Variants in GRIA3 observed in about 807,000 individuals in gnomAD.
The protein encoded by GRIA3 is glutamate receptor 3.
GRIA3 carries 3 observed loss-of-function variants against 63.0 expected under a neutral mutation model. That is an observed-to-expected ratio of 0.05 (90% CI 0.02 to 0.12). The LOEUF (loss-of-function observed/expected upper bound fraction) is 0.12, where lower values mean the gene tolerates loss of function less well. Ranked by LOEUF, GRIA3 falls within the 10% of genes least tolerant of loss-of-function variation. The pLI is 1.00. For synonymous variants in GRIA3, 274 were observed against 257.9 expected, an observed-to-expected ratio of 1.06 and a Z score of -0.60; for missense variants, 347 against 700.9, an observed-to-expected ratio of 0.50 and a Z score of 5.70.
At chrX:123,415,836 C>A (rs1162830249) in intron 10 of GRIA3, among the ~76,000 whole-genome samples, 1 of 111,939 alleles carries the variant, frequency 8.9e-6, no homozygotes, top group African/African-American at 3.2e-5. Context: ...TCATTCCTAG[C>A]ACCTAGAATA....
At chrX:123,304,682 C>G (rs2044744521) in intron 3 of GRIA3, among the ~76,000 whole-genome samples, 1 of 111,387 alleles carries the variant, frequency 9.0e-6, no homozygotes, top group African/African-American at 3.3e-5. Flanking sequence ...AGGACAACTC[C>G]CATGTAAGAA....
chrX:123,282,551 G>A (rs961894479), intron 3 of GRIA3, among the ~76,000 whole-genome samples: 1 of 112,502 alleles, frequency 8.9e-6, no homozygotes, highest in Non-Finnish European at 1.9e-5. Flanking sequence ...CAAAGGCAGC[G>A]TTTCTCATAC....
intron 5 of GRIA3, among the ~76,000 whole-genome samples, chrX:123,362,741 A>T (rs2045184895): frequency 9.1e-6 from 1 of 110,362 alleles, no homozygotes; most frequent in Admixed American, 9.6e-5. Context: ...AGAGAGAGAG[A>T]GAGAGATCAG....
intron 5 of GRIA3, among the ~76,000 whole-genome samples, chrX:123,383,019 A>C (rs2045333471): frequency 8.9e-6 from 1 of 112,008 alleles, no homozygotes; most frequent in South Asian, 3.8e-4. Flanking sequence ...ATACAGGCCA[A>C]GCACAAGAGA....
At chrX:123,270,509 C>A (rs942002039) in intron 3 of GRIA3, among the ~76,000 whole-genome samples, 1 of 112,420 alleles carries the variant, frequency 8.9e-6, no homozygotes, top group African/African-American at 3.2e-5. Flanking sequence ...CTGTCCCCGC[C>A]AAGTGGATGC....
intron 3 of GRIA3, among the ~76,000 whole-genome samples, chrX:123,292,142 A>C (rs1267020681): frequency 1.8e-5 from 2 of 111,851 alleles, no homozygotes; most frequent in African/African-American, 6.5e-5. Flanking sequence ...TTTGGGGCAG[A>C]GATTCAAACA....
At chrX:123,410,410 G>A (rs962660347) in intron 10 of GRIA3, among the ~76,000 whole-genome samples, 4 of 111,919 alleles carry the variant, frequency 3.6e-5, no homozygotes, top group African/African-American at 9.7e-5. Flanking sequence ...AGAGCCTGGG[G>A]GTAGTAATGG....
chrX:123,369,729 C>T (rs1248185290), intron 5 of GRIA3, among the ~76,000 whole-genome samples: 1 of 112,315 alleles, frequency 8.9e-6, no homozygotes, highest in African/African-American at 3.2e-5. Context: ...TTTCTTTGAT[C>T]TGTTTACCTA....
At chrX:123,440,697 T>C (rs1266984330) in intron 12 of GRIA3, among the ~76,000 whole-genome samples, 1 of 112,904 alleles carries the variant, frequency 8.9e-6, no homozygotes, top group Non-Finnish European at 1.9e-5. Flanking sequence ...GTTAATACCT[T>C]TGCCAGATGA....
chrX:123,488,549 C>T (rs1273852383), intron 15 of GRIA3, among the ~76,000 whole-genome samples, 164 bp from the exon 16 acceptor site: 1 of 112,104 alleles, frequency 8.9e-6, no homozygotes, highest in Non-Finnish European at 1.9e-5. Flanking sequence ...GAGAATGTAA[C>T]CAGACCTGTC....
intron 15 of GRIA3, among the ~76,000 whole-genome samples, chrX:123,483,489 G>A (rs968490430): frequency 2.7e-5 from 3 of 111,898 alleles, no homozygotes; most frequent in Non-Finnish European, 5.6e-5. Flanking sequence ...CATTCTTCAC[G>A]CTAATCTTGC....
At chrX:123,368,121 A>C (rs1397812796) in intron 5 of GRIA3, among the ~76,000 whole-genome samples, 1 of 111,626 alleles carries the variant, frequency 9.0e-6, no homozygotes, top group Non-Finnish European at 1.9e-5. Context: ...GAGAAGTCTG[A>C]GTGACAGTAA....
intron 3 of GRIA3, among the ~76,000 whole-genome samples, chrX:123,266,237 G>C (rs1266388483): frequency 8.9e-6 from 1 of 112,029 alleles, no homozygotes; most frequent in Non-Finnish European, 1.9e-5. Context: ...GGGCTTTCCA[G>C]AGGCCCCAAC....
intron 12 of GRIA3, among the ~76,000 whole-genome samples, chrX:123,446,031 A>G (rs1384279798): frequency 8.9e-6 from 1 of 111,836 alleles, no homozygotes; most frequent in East Asian, 2.8e-4. Context: ...GCCTATGTTG[A>G]GCCAATCTAT....
chrX:123,279,303 T>C (rs767811871), intron 3 of GRIA3, among the ~76,000 whole-genome samples: 1 of 111,346 alleles, frequency 9.0e-6, no homozygotes, highest in Admixed American at 9.6e-5. Flanking sequence ...AGAAATCTAT[T>C]GTGCAGCAAG....
intron 2 of GRIA3, among the ~76,000 whole-genome samples, chrX:123,245,768 T>G (rs902418298): frequency 1.1e-4 from 12 of 111,775 alleles, no homozygotes; most frequent in African/African-American, 3.9e-4. Context: ...GAACAGAAAC[T>G]AGGTTCCAGA....
intron 5 of GRIA3, among the ~76,000 whole-genome samples, chrX:123,389,806 C>T (rs780309196): frequency 6.3e-4 from 70 of 110,849 alleles, no homozygotes; most frequent in African/African-American, 2.1e-3. Context: ...CTCCTGGGTT[C>T]GCCATTCTCC....
intron 10 of GRIA3, among the ~76,000 whole-genome samples, chrX:123,409,724 C>T (rs1273760309): frequency 9.0e-6 from 1 of 111,705 alleles, no homozygotes; most frequent in Non-Finnish European, 1.9e-5. Context: ...TTAATCCTAC[C>T]TTACCATTCA....
At chrX:123,378,722 C>A (rs2045302940) in intron 5 of GRIA3, among the ~76,000 whole-genome samples, 1 of 110,924 alleles carries the variant, frequency 9.0e-6, no homozygotes, top group African/African-American at 3.3e-5. Flanking sequence ...AACTTGAGGA[C>A]CTTTTGTGGC....
Sources: gnomAD v4.1 joint callset for allele counts (sites outside exome capture counted in the v4.1 genomes callset) on GRCh38, gnomAD v4.1.1 for gene constraint, MANE v1.5 for transcripts, NCBI Gene and HGNC (gene_info 2026-07-23, HGNC 2026-07-21) for gene names.